Variants in GTF2F2 observed in about 807,000 individuals in gnomAD.
The protein encoded by GTF2F2 is general transcription factor IIF subunit 2.
A neutral mutation model predicts 42.2 loss-of-function variants in GTF2F2; 23 were observed. That is an observed-to-expected ratio of 0.55 (90% CI 0.39 to 0.77). The LOEUF (loss-of-function observed/expected upper bound fraction) is 0.77. GTF2F2 is among the 30% of genes least tolerant of loss of function. The probability of loss-of-function intolerance (pLI) is 0.00; values close to 1 mark genes in which losing one functional copy is unlikely to be tolerated. For synonymous variants in GTF2F2, 105 were observed against 100.8 expected, an observed-to-expected ratio of 1.04 and a Z score of -0.25; for missense variants, 261 against 287.2, an observed-to-expected ratio of 0.91 and a Z score of 0.66.
intron 4 of GTF2F2, among the ~76,000 whole-genome samples, chr13:45,199,073 G>A (rs1244028152): frequency 6.6e-6 from 1 of 152,142 alleles, no homozygotes; most frequent in Non-Finnish European, 1.5e-5. Context: ...GTAACTGATT[G>A]ACCACAGCAT....
chr13:45,161,940 A>G (rs1390368051), intron 4 of GTF2F2, among the ~76,000 whole-genome samples: 1 of 152,116 alleles, frequency 6.6e-6, no homozygotes, highest in African/African-American at 2.4e-5. Context: ...TTAGGTATTT[A>G]TTCCACTTCT....
In GTF2F2 at chr13:45,120,543, C is replaced by G. The variant is rs1283240717; in HGVS notation, c.-113C>G. ...CCAGTGTTCTGGCAGGTAAGGAACG[C>G]CGGCTCTTCGCCTCTCAGCGCGGCT... On this transcript the variant is annotated 5_prime_UTR_variant, in exon 1 of 8. Transcript: ENST00000340473. 31 of 731,372 alleles carry G rather than the reference C, an allele frequency of 4.2e-5. No homozygotes were observed. The highest frequency in any genetic ancestry group is 2.4e-6 in the Non-Finnish European group (1 of 424,768). The allele number at this position is 731,372 out of a possible 1,614,324, so 45.3% of individuals were successfully genotyped here.
chr13:45,155,781 T>C (rs1870728034), intron 4 of GTF2F2, among the ~76,000 whole-genome samples: 1 of 152,228 alleles, frequency 6.6e-6, no homozygotes, highest in Non-Finnish European at 1.5e-5. Context: ...TTTTCTGTTA[T>C]TTTCATGGAG....
chr13:45,132,651 A>G (rs1869425017), intron 1 of GTF2F2, among the ~76,000 whole-genome samples: 1 of 152,200 alleles, frequency 6.6e-6, no homozygotes, highest in African/African-American at 2.4e-5. Context: ...CATAACAGGG[A>G]AAGAAATTCA....
At chr13:45,236,790 A>C (rs924986715) in intron 5 of GTF2F2, among the ~76,000 whole-genome samples, 1 of 152,232 alleles carries the variant, frequency 6.6e-6, no homozygotes. Flanking sequence ...GAAGAGGAAT[A>C]AAACAGTTAC....
intron 4 of GTF2F2, among the ~76,000 whole-genome samples, chr13:45,204,498 A>G (rs1238823581): frequency 6.6e-6 from 1 of 152,256 alleles, no homozygotes; most frequent in Non-Finnish European, 1.5e-5. Context: ...AATAGGATCT[A>G]TAATTAACAG....
chr13:45,126,300 G>A (rs192309756), intron 1 of GTF2F2, among the ~76,000 whole-genome samples: 1 of 134,158 alleles, frequency 7.5e-6, no homozygotes, highest in Non-Finnish European at 1.5e-5. Context: ...TGCCCAGTCT[G>A]GAGTGCAATG....
At chr13:45,163,185 A>G (rs1871117665) in intron 4 of GTF2F2, among the ~76,000 whole-genome samples, 1 of 151,930 alleles carries the variant, frequency 6.6e-6, no homozygotes, top group Non-Finnish European at 1.5e-5. Flanking sequence ...ATACAAACAT[A>G]TTTCTCTTCT....
Position 45,191,224 on chromosome 13 carries a change from A to AATATATATATATAT in GTF2F2, c.305-16182_305-16169dup, listed in dbSNP as rs1165963910. Among the ~76,000 whole-genome samples the AATATATATATATAT allele has an allele frequency of 1.4e-3, 102 of 75,248 alleles. 2 individuals carry two copies. Among genetic ancestry groups the AATATATATATATAT allele is most frequent in the African/African-American group, 6.8e-3 (68 of 9,986 alleles). 49.4% of individuals were successfully genotyped at this position (75,248 alleles called of 152,430 possible). ...GTCTCTACTAAAAATACAAAAAAAA[A>AATATATATATATAT]ATATATATATATATATATATATATA... On this transcript the variant is annotated intron_variant, in intron 4 of 7. Transcript: ENST00000340473.
intron 2 of GTF2F2, among the ~76,000 whole-genome samples, chr13:45,149,184 C>T (rs1330131071): frequency 6.6e-6 from 1 of 151,756 alleles, no homozygotes; most frequent in South Asian, 2.1e-4. Flanking sequence ...GTGGCTCACA[C>T]CTGTAATCCC....
chr13:45,223,760 C>T (rs1014816416), intron 5 of GTF2F2, among the ~76,000 whole-genome samples: 3 of 152,114 alleles, frequency 2.0e-5, no homozygotes, highest in African/African-American at 7.2e-5. Context: ...CTATACAGTC[C>T]TTCAAATATA....
At chr13:45,179,371 G>A (rs1363607719) in intron 4 of GTF2F2, among the ~76,000 whole-genome samples, 2 of 152,150 alleles carry the variant, frequency 1.3e-5, no homozygotes, top group African/African-American at 4.8e-5. Flanking sequence ...TGGTTACAAG[G>A]TGGAATCTTT....
At chr13:45,253,495 T>C (rs951682355) in intron 6 of GTF2F2, among the ~76,000 whole-genome samples, 5 of 152,208 alleles carry the variant, frequency 3.3e-5, no homozygotes, top group Admixed American at 6.5e-5. Flanking sequence ...GAGGACCATC[T>C]GTACAGTAGT....
chr13:45,237,202 T>C (rs777052926), intron 5 of GTF2F2, among the ~76,000 whole-genome samples: 10 of 152,206 alleles, frequency 6.6e-5, no homozygotes, highest in Non-Finnish European at 1.3e-4. Flanking sequence ...TAAATTATAA[T>C]TGATTATAAT....
At chr13:45,279,389 AATT>A (rs1877166599) in intron 7 of GTF2F2, among the ~76,000 whole-genome samples, 4 of 152,210 alleles carry the variant, frequency 2.6e-5, no homozygotes, top group Non-Finnish European at 5.9e-5. Flanking sequence ...GTGACATTCA[AATT>A]CACGTAGTAC....
intron 5 of GTF2F2, among the ~76,000 whole-genome samples, chr13:45,227,661 T>C (rs942513172): frequency 6.6e-6 from 1 of 152,236 alleles, no homozygotes; most frequent in Non-Finnish European, 1.5e-5. Flanking sequence ...AAAAGGAATA[T>C]AGATCAGTAG....
At position 45,275,981 on chromosome 13, in the gene GTF2F2, A is replaced by G. The variant is rs146660390; in HGVS notation, c.631-7461A>G. Among the ~76,000 whole-genome samples, 5 of 152,288 alleles carry G rather than the reference A, an allele frequency of 3.3e-5. No homozygotes were observed. In the East Asian group the frequency reaches 9.6e-4, roughly 29 times the overall value. On this transcript the variant is annotated intron_variant, in intron 7 of 7. Coordinates refer to ENST00000340473, the MANE Select transcript of GTF2F2 (RefSeq NM_004128.3). ...CAGCATCTTTTTTTATACATAACCT[A>G]CATGCATCCTCCAGTATACTTTAAA...
At chr13:45,218,721 T>G (rs527921885) in intron 5 of GTF2F2, among the ~76,000 whole-genome samples, 6 of 152,372 alleles carry the variant, frequency 3.9e-5, no homozygotes, top group Non-Finnish European at 8.8e-5. Context: ...AAAAAGGGTC[T>G]CATTTAGGGA....
intron 6 of GTF2F2, among the ~76,000 whole-genome samples, chr13:45,262,233 G>A (rs1321053662): frequency 6.6e-6 from 1 of 152,058 alleles, no homozygotes; most frequent in Non-Finnish European, 1.5e-5. Flanking sequence ...AATTGACTGG[G>A]TATGGTGTCA....
Sources: gnomAD v4.1 joint callset for allele counts (sites outside exome capture counted in the v4.1 genomes callset) on GRCh38, gnomAD v4.1.1 for gene constraint, MANE v1.5 for transcripts, NCBI Gene and HGNC (gene_info 2026-07-23, HGNC 2026-07-21) for gene names.